Variants in CA10 observed in about 807,000 individuals in gnomAD.
CA10 encodes the protein carbonic anhydrase 10 (inactive).
Under a neutral mutation model 44.2 loss-of-function variants are expected in CA10, and 14 were observed. The ratio of observed to expected loss-of-function variants is 0.32; its 90% CI spans 0.21 to 0.50. The LOEUF (loss-of-function observed/expected upper bound fraction) is 0.50, where lower values mean the gene tolerates loss of function less well. CA10 is among the 20% of genes least tolerant of loss of function. The pLI is 0.99. For synonymous variants in CA10, 159 were observed against 141.6 expected, an observed-to-expected ratio of 1.12 and a Z score of -0.87; for missense variants, 350 against 409.7, an observed-to-expected ratio of 0.85 and a Z score of 1.26.
At position 51,769,767 on chromosome 17, in the gene CA10, A is replaced by G. The variant is rs186912577; in HGVS notation, c.280-21949T>C. Among the ~76,000 whole-genome samples the G allele has an allele frequency of 1.4e-4, 21 of 152,298 alleles. No homozygotes were observed. In the East Asian group the frequency reaches 3.7e-3, roughly 27 times the overall value. Reference sequence around the variant, plus strand: ...CCAGTGCATCCTAAAACGGTTGATCAACATGAATTGATTGTTCAGCCCCAG... The same window carrying G: ...CCAGTGCATCCTAAAACGGTTGATCGACATGAATTGATTGTTCAGCCCCAG... On this transcript the variant is annotated intron_variant, in intron 3 of 8. Coordinates refer to ENST00000451037, the MANE Select transcript of CA10 (RefSeq NM_020178.5).
At chr17:51,761,455 G>T (rs1413021127) in intron 3 of CA10, 3 of 152,008 alleles carry the variant, frequency 2.0e-5, no homozygotes, top group Non-Finnish European at 2.9e-5. Flanking sequence ...TAAGAATTTG[G>T]TTGAATCTGA....
chr17:52,042,830 C>T (rs1276214020), intron 2 of CA10, among the ~76,000 whole-genome samples: 1 of 151,898 alleles, frequency 6.6e-6, no homozygotes, highest in Non-Finnish European at 1.5e-5. Flanking sequence ...CTATTTTTCC[C>T]AACATCATTT....
rs562793715 is a variant in CA10 at position 51,818,927 on chromosome 17, A to C, written c.280-71109T>G. 1.1e-4 allele frequency among the ~76,000 whole-genome samples: 16 copies of C among 152,342 alleles called. No individual in the cohort carries two copies. In the East Asian group the frequency reaches 3.1e-3, roughly 29 times the overall value. ...TGGCATGTAGTAACACTATAAATGCAGCTGTTATCATAGTTACTGTTTTAG... is the reference window on the plus strand; with the variant it reads ...TGGCATGTAGTAACACTATAAATGCCGCTGTTATCATAGTTACTGTTTTAG... On this transcript the variant is annotated intron_variant, in intron 3 of 8. Transcript: ENST00000451037.
intron 3 of CA10, among the ~76,000 whole-genome samples, chr17:51,771,557 C>T (rs1032720999): frequency 1.3e-5 from 2 of 152,158 alleles, no homozygotes; most frequent in Non-Finnish European, 2.9e-5. Context: ...TCCGATTTTC[C>T]ATGAAACTCA....
At chr17:52,016,861 C>T (rs1032688338) in intron 2 of CA10, among the ~76,000 whole-genome samples, 11 of 151,994 alleles carry the variant, frequency 7.2e-5, no homozygotes, top group South Asian at 2.1e-4. Context: ...TGCAGTGAGC[C>T]GATACTGTGC....
In CA10 at chr17:52,008,918, A is replaced by G. The variant is rs147137282; in HGVS notation, c.136+63401T>C. Among the ~76,000 whole-genome samples, 607 of 152,044 alleles carry G rather than the reference A, an allele frequency of 4.0e-3. 2 individuals are homozygous for G. Among genetic ancestry groups the G allele is most frequent in the African/African-American group, 0.014 (573 of 41,532 alleles). On this transcript the variant is annotated intron_variant, in intron 2 of 8. Coordinates refer to ENST00000451037, the MANE Select transcript of CA10 (RefSeq NM_020178.5). Reference sequence around the variant, plus strand: ...TCCCTCAGTTCCTCACCTAAATACTAGACCATGAGCTTCTAGAGGATAGGA... The same window carrying G: ...TCCCTCAGTTCCTCACCTAAATACTGGACCATGAGCTTCTAGAGGATAGGA...
At chr17:51,776,389 T>C (rs902560225) in intron 3 of CA10, among the ~76,000 whole-genome samples, 2 of 151,934 alleles carry the variant, frequency 1.3e-5, no homozygotes, top group African/African-American at 2.4e-5. Flanking sequence ...TAAATAAATA[T>C]AAAAAATAAA....
At chr17:51,656,913 C>A (rs1403925125) in intron 4 of CA10, among the ~76,000 whole-genome samples, 1 of 152,226 alleles carries the variant, frequency 6.6e-6, no homozygotes, top group Non-Finnish European at 1.5e-5. Flanking sequence ...GGAGCACATG[C>A]ATCACCTATG....
At position 51,739,833 on chromosome 17, in the gene CA10, T is replaced by C. The variant is rs192404797; in HGVS notation, c.465+7800A>G. 8.5e-4 allele frequency among the ~76,000 whole-genome samples: 129 copies of C among 152,296 alleles called. 1 individual carries two copies. In the Middle Eastern group the frequency reaches 0.027, roughly 32 times the overall value. On this transcript the variant is annotated intron_variant, in intron 4 of 8. Transcript: ENST00000451037. Reference sequence around the variant, plus strand: ...GCTTCTCGAAGGCCAGTTTGCTCACTCTGGTGGGACTGGCTCTTAGAATCT... The same window carrying C: ...GCTTCTCGAAGGCCAGTTTGCTCACCCTGGTGGGACTGGCTCTTAGAATCT...
chr17:51,657,680 A>AC (rs1230790068), intron 4 of CA10, among the ~76,000 whole-genome samples: 2 of 152,180 alleles, frequency 1.3e-5, no homozygotes, highest in African/African-American at 4.8e-5. Context: ...ATTTTGAATA[A>AC]TTTAGATGGG....
intron 2 of CA10, among the ~76,000 whole-genome samples, chr17:52,033,237 G>C (rs1161478114): frequency 6.6e-6 from 1 of 152,142 alleles, no homozygotes; most frequent in Non-Finnish European, 1.5e-5. Context: ...TTTGAACCCA[G>C]AGAAAACAAT....
intron 2 of CA10, among the ~76,000 whole-genome samples, chr17:52,053,164 T>A (rs1284090944): frequency 6.6e-6 from 1 of 152,156 alleles, no homozygotes; most frequent in Non-Finnish European, 1.5e-5. Context: ...TGTCTCTTTA[T>A]CCTCTGCTCC....
chr17:51,851,476 G>A (rs1051854781), intron 3 of CA10, among the ~76,000 whole-genome samples: 1 of 152,198 alleles, frequency 6.6e-6, no homozygotes, highest in African/African-American at 2.4e-5. Flanking sequence ...TACCTCACGG[G>A]TTGTTTTGAG....
chr17:51,967,045 A>G (rs1203419013), intron 2 of CA10, among the ~76,000 whole-genome samples: 1 of 151,898 alleles, frequency 6.6e-6, no homozygotes, highest in Non-Finnish European at 1.5e-5. Flanking sequence ...CAGGCAAAAG[A>G]CATGAACAGC....
At chr17:52,049,049 A>G (rs1458451226) in intron 2 of CA10, among the ~76,000 whole-genome samples, 1 of 152,124 alleles carries the variant, frequency 6.6e-6, no homozygotes, top group Admixed American at 6.6e-5. Context: ...TGACATATAT[A>G]AGAATTATTT....
chr17:51,911,299 G>A (rs531823736), intron 3 of CA10, among the ~76,000 whole-genome samples: 14 of 152,224 alleles, frequency 9.2e-5, no homozygotes, highest in African/African-American at 3.4e-4. Context: ...TTTTGTGGTG[G>A]ATAGATAGCG....
chr17:52,098,541 A>C (rs1022007230), intron 1 of CA10, among the ~76,000 whole-genome samples: 2 of 152,252 alleles, frequency 1.3e-5, no homozygotes, highest in African/African-American at 4.8e-5. Flanking sequence ...CACTACAGAC[A>C]TGTACTGACC....
chr17:51,888,410 A>C (rs1391293857), intron 3 of CA10, among the ~76,000 whole-genome samples: 1 of 152,210 alleles, frequency 6.6e-6, no homozygotes, highest in Non-Finnish European at 1.5e-5. Context: ...ACTAAATAAA[A>C]ATGGTAACTA....
At chr17:52,045,169 C>T (rs912693206) in intron 2 of CA10, among the ~76,000 whole-genome samples, 52 of 151,316 alleles carry the variant, frequency 3.4e-4, no homozygotes, top group Non-Finnish European at 5.0e-4. Flanking sequence ...ATATCAAATA[C>T]AGAAAACCAA....
Sources: gnomAD v4.1 joint callset for allele counts (sites outside exome capture counted in the v4.1 genomes callset) on GRCh38, gnomAD v4.1.1 for gene constraint, MANE v1.5 for transcripts, NCBI Gene and HGNC (gene_info 2026-07-23, HGNC 2026-07-21) for gene names.